RBFOX3: variants seen among roughly 807,000 people sequenced by gnomAD.
The protein encoded by RBFOX3 is RNA binding fox-1 homolog 3.
A neutral mutation model predicts 48.7 loss-of-function variants in RBFOX3; 17 were observed. The ratio of observed to expected loss-of-function variants is 0.35; its 90% CI spans 0.24 to 0.52. The LOEUF is 0.52. Ranked by LOEUF, RBFOX3 falls within the 20% of genes least tolerant of loss-of-function variation. The probability of loss-of-function intolerance (pLI) is 0.94; values close to 1 mark genes in which losing one functional copy is unlikely to be tolerated. For synonymous variants in RBFOX3, 212 were observed against 209.5 expected (o/e 1.01, Z -0.10); for missense variants, 382 against 497.5 (o/e 0.77, Z 2.21).
intron 1 of RBFOX3, among the ~76,000 whole-genome samples, chr17:79,512,612 G>A (rs2084528059): frequency 6.7e-6 from 1 of 149,966 alleles, no homozygotes; most frequent in African/African-American, 2.5e-5. Flanking sequence ...ATGGCCAGGG[G>A]ACGCACACCC....
upstream of RBFOX3, among the ~76,000 whole-genome samples, chr17:79,614,206 C>T (rs1419143402): frequency 6.6e-6 from 1 of 152,232 alleles, no homozygotes; most frequent in African/African-American, 2.4e-5. Context: ...TCGGATAGCC[C>T]CTCTGGAGGT....
chr17:79,427,816 A>G (rs1649381430), intron 2 of RBFOX3, among the ~76,000 whole-genome samples: 1 of 152,270 alleles, frequency 6.6e-6, no homozygotes, highest in South Asian at 2.1e-4. Flanking sequence ...ACAGGCGTGC[A>G]CACATGAACA....
intron 1 of RBFOX3, among the ~76,000 whole-genome samples, chr17:79,565,577 T>A (rs1023504652): frequency 0.51 from 77,736 of 151,980 alleles, 21,444 homozygotes; most frequent in South Asian, 0.67. Flanking sequence ...CTGACCGCAA[T>A]TGATCCGCCC....
At chr17:79,389,556 T>G (rs545899044) in intron 2 of RBFOX3, among the ~76,000 whole-genome samples, 1 of 152,228 alleles carries the variant, frequency 6.6e-6, no homozygotes, top group Non-Finnish European at 1.5e-5. Context: ...TGTTAAACAC[T>G]GAGTCCCCCA....
chr17:79,532,315 T>A (rs1296287642), intron 1 of RBFOX3, among the ~76,000 whole-genome samples: 2 of 152,156 alleles, frequency 1.3e-5, no homozygotes, highest in East Asian at 3.9e-4. Context: ...AGGCTGGGAC[T>A]CCATGTGGAG....
At chr17:79,091,422 T>C (rs998791970) in intron 14 of RBFOX3, among the ~76,000 whole-genome samples, 2 of 152,218 alleles carry the variant, frequency 1.3e-5, no homozygotes, top group African/African-American at 4.8e-5. Flanking sequence ...GTGCCTGTCT[T>C]GGCTGGCTTT....
rs570628898 is a variant in RBFOX3, at chr17:79,213,419, C to T, written c.-34+22347G>A. ...GCGTCAAGTCCCCAAAATATGCACC[C>T]GCAACTGCTACCAGGACCTAAATCC... On this transcript the variant is annotated intron_variant, in intron 4 of 14. Coordinates refer to ENST00000693108, the MANE Select transcript of RBFOX3 (RefSeq NM_001350451.2). 9.7e-4 allele frequency among the ~76,000 whole-genome samples: 147 copies of T among 152,310 alleles called. 1 individual carries two copies. The highest frequency in any genetic ancestry group is 3.2e-3 in the African/African-American group (132 of 41,564).
chr17:79,183,741 G>A (rs2052742884), intron 4 of RBFOX3, among the ~76,000 whole-genome samples: 1 of 152,200 alleles, frequency 6.6e-6, no homozygotes, highest in Admixed American at 6.5e-5. Flanking sequence ...GTGTAGCGGT[G>A]GGAGGGGGAG....
intron 3 of RBFOX3, among the ~76,000 whole-genome samples, chr17:79,259,762 G>A (rs775524750): frequency 7.9e-5 from 12 of 152,106 alleles, no homozygotes; most frequent in Non-Finnish European, 1.3e-4. Flanking sequence ...GGGTGTCTAG[G>A]TGCCCCCGCA....
intron 1 of RBFOX3, among the ~76,000 whole-genome samples, chr17:79,503,357 G>A (rs901452055): frequency 5.9e-5 from 9 of 152,276 alleles, no homozygotes; most frequent in African/African-American, 1.7e-4. Context: ...ACCCAAAAGC[G>A]TCTGCTAACA....
chr17:79,211,644 C>G (rs888334414), intron 4 of RBFOX3, among the ~76,000 whole-genome samples: 2 of 152,136 alleles, frequency 1.3e-5, no homozygotes, highest in Admixed American at 1.3e-4. Context: ...GCTGGACAGA[C>G]AGGGAGGCAG....
Position 79,485,969 on chromosome 17 carries a change from T to C in RBFOX3, c.-319-3371A>G, listed in dbSNP as rs111289411. On this transcript the variant is annotated intron_variant, in intron 1 of 14. Transcript: ENST00000693108. ...ACTCCGCAGTGGGAAACACCATCCA[T>C]CATCCATAGCGCAGAACACGGGCCT... Among the ~76,000 whole-genome samples, 1,183 of 152,336 alleles carry C rather than the reference T, an allele frequency of 7.8e-3. 9 individuals carry two copies. The highest frequency in any genetic ancestry group is 0.027 in the African/African-American group (1,119 of 41,586).
At chr17:79,136,535 A>C (rs533915194) in intron 4 of RBFOX3, 1 of 152,510 alleles carries the variant, frequency 6.6e-6, no homozygotes, top group Non-Finnish European at 1.5e-5. Flanking sequence ...AACCTGCACC[A>C]AATGGGTCCA....
In RBFOX3 at chr17:79,090,577, G is replaced by T; in HGVS notation, c.*306C>A. The T allele has an allele frequency of 2.4e-6, 1 of 414,060 alleles. No individual in the cohort carries two copies. The highest frequency in any genetic ancestry group is 4.3e-6 in the Non-Finnish European group (1 of 232,244). The allele number at this position is 414,060 out of a possible 1,614,324, so 25.6% of individuals were successfully genotyped here. A position where few individuals can be genotyped will look rare whatever the true frequency, so the allele number is the denominator to read the frequency against. On this transcript the variant is annotated 3_prime_UTR_variant, in exon 15 of 15. Coordinates refer to ENST00000693108, the MANE Select transcript of RBFOX3 (RefSeq NM_001350451.2). ...GCCCCCCACGGGTCCCACAAGGGAG[G>T]CCCCTTCCCCTCCAACTCCCCCACT... is the stretch of plus-strand genomic sequence containing the variant.
chr17:79,155,289 C>A (rs1427987233), intron 4 of RBFOX3, among the ~76,000 whole-genome samples: 1 of 152,192 alleles, frequency 6.6e-6, no homozygotes, highest in Non-Finnish European at 1.5e-5. Flanking sequence ...TTGACAGTAC[C>A]CCCAGCAATC....
chr17:79,501,526 A>G (rs1454644406), intron 1 of RBFOX3, among the ~76,000 whole-genome samples: 4 of 152,192 alleles, frequency 2.6e-5, no homozygotes, highest in Non-Finnish European at 5.9e-5. Flanking sequence ...TGTCATTATG[A>G]CAGCCACAGG....
At chr17:79,222,519 C>T (rs532884175) in intron 4 of RBFOX3, among the ~76,000 whole-genome samples, 1 of 152,240 alleles carries the variant, frequency 6.6e-6, no homozygotes, top group African/African-American at 2.4e-5. Context: ...GCCCCTGCAC[C>T]TGAGACTCTG....
intron 2 of RBFOX3, among the ~76,000 whole-genome samples, chr17:79,325,899 G>A (rs2079233800): frequency 1.3e-5 from 2 of 152,328 alleles, no homozygotes; most frequent in Admixed American, 1.3e-4. Context: ...CCACCCGGGA[G>A]CTGTCCGGTG....
the RBFOX3 span, among the ~76,000 whole-genome samples, chr17:79,626,565 C>T: frequency 7.2e-5 from 11 of 152,324 alleles, no homozygotes; most frequent in East Asian, 1.7e-3. Context: ...GCAGGATTCT[C>T]GATATTCAGC....
Sources: allele counts gnomAD v4.1 joint callset (sites outside exome capture counted in the v4.1 genomes callset), GRCh38; gene constraint gnomAD v4.1.1; transcripts MANE v1.5; gene names NCBI Gene and HGNC (gene_info 2026-07-23, HGNC 2026-07-21).